Variants in MOV10L1 observed in about 807,000 individuals in gnomAD.
MOV10L1 encodes Mov10 like RNA helicase 1.
A neutral mutation model predicts 143.8 loss-of-function variants in MOV10L1; 110 were observed. That is an observed-to-expected ratio of 0.76 (90% CI 0.66 to 0.90). The LOEUF (loss-of-function observed/expected upper bound fraction) is 0.90. Ranked by LOEUF, MOV10L1 falls within the 40% of genes least tolerant of loss-of-function variation. The pLI is 0.00. For missense variants in MOV10L1, 1,406 were observed against 1,526.8 expected (o/e 0.92, Z 1.32); for synonymous variants, 593 against 581.1 (o/e 1.02, Z -0.29).
chr22:50,158,166 C>G lies in MOV10L1; in HGVS notation c.3176C>G (p.Ser1059Cys), dbSNP rs1207223411. 6.2e-7 allele frequency: 1 copy of G among 1,614,196 alleles called. No individual in the cohort carries two copies. The highest frequency in any genetic ancestry group is 1.1e-5 in the South Asian group (1 of 91,090). The change falls in exon 23 of 27, where the codon TCT becomes TGT. Residue 1059 changes from serine to cysteine, a missense_variant. Physicochemically the swap from Ser to Cys is moderately radical, Grantham distance 112. Around this residue, in one of 3 missense-constraint regions of MOV10L1, gnomAD observed 1,233 missense variants for 1,351.4 expected, o/e 0.91. Coordinates refer to ENST00000262794, the MANE Select transcript of MOV10L1 (RefSeq NM_018995.3). The surrounding 1 kb of genome is among the most constrained non-coding windows in gnomAD (Gnocchi z 5.0). ...GCCCACAGCATCTCCAGTCAGGTGT[C>G]TGCCAGCGACATTGGCGTCATCACG... ...LLAHSISSQV[S>C]ASDIGVITPY...
chr22:50,109,405 C>T (rs536426318), intron 5 of MOV10L1, among the ~76,000 whole-genome samples: 1 of 151,904 alleles, frequency 6.6e-6, no homozygotes, highest in Non-Finnish European at 1.5e-5. Context: ...CACGGTGGCT[C>T]ACGCCTGTAA....
intron 5 of MOV10L1, among the ~76,000 whole-genome samples, chr22:50,112,907 A>G (rs372716442): frequency 3.9e-5 from 6 of 152,204 alleles, no homozygotes; most frequent in Non-Finnish European, 8.8e-5. Context: ...ACCAGGGCAC[A>G]CAGAGAAGGA....
chr22:50,124,924 G>A (rs141687410), intron 10 of MOV10L1, among the ~76,000 whole-genome samples: 1,737 of 152,298 alleles, frequency 0.011, 35 homozygotes, highest in African/African-American at 0.04. Flanking sequence ...CCTTTGCTAC[G>A]TGATGTTCAT....
chr22:50,114,386 A>G lies in MOV10L1; in HGVS notation c.890A>G (p.Lys297Arg). ...SKTMVIWIEN[K>R]GDIPQNLVSC... Reference sequence around the variant, plus strand: ...AGTTAATTGTATTTTTCCAGGAATAAAGGAGACATTCCTCAAAACTTAGTC... The same window carrying G: ...AGTTAATTGTATTTTTCCAGGAATAGAGGAGACATTCCTCAAAACTTAGTC... The change falls in exon 7 of 27, where the codon AAA (lysine) becomes AGA (arginine). Residue 297 changes from lysine to arginine, a missense_variant. Physicochemically the swap from Lys to Arg is conservative, Grantham distance 26. Around this residue, in one of 3 missense-constraint regions of MOV10L1, gnomAD observed 1,233 missense variants for 1,351.4 expected, o/e 0.91. Coordinates refer to ENST00000262794, the MANE Select transcript of MOV10L1 (RefSeq NM_018995.3). 6.2e-7 allele frequency: 1 copy of G among 1,613,750 alleles called. No individual in the cohort carries two copies. The highest frequency in any genetic ancestry group is 8.5e-7 in the Non-Finnish European group (1 of 1,179,776).
At chr22:50,090,256 A>G (rs905254409) in intron 1 of MOV10L1, 71 bp downstream of exon 1, 10 of 1,418,628 alleles carry the variant, frequency 7.0e-6, no homozygotes, top group South Asian at 6.2e-5. Context: ...AGCCGCGCCC[A>G]TAGGTCTTTG....
At chr22:50,113,853 A>ATT in intron 6 of MOV10L1, 65 bp downstream of exon 6, 1 of 1,353,682 alleles carries the variant, frequency 7.4e-7, no homozygotes, top group Admixed American at 2.8e-5. Context: ...ATGACTCAAT[A>ATT]ATTTCTGTAA....
intron 19 of MOV10L1, 149 bp from the exon 20 acceptor site, chr22:50,149,466 G>A (rs576309729): frequency 2.7e-5 from 18 of 656,238 alleles, no homozygotes; most frequent in African/African-American, 9.1e-5. Context: ...CCCTCCAGCC[G>A]GGTGACACCC....
At chr22:50,143,321 T>G (rs751209484) in intron 17 of MOV10L1, 100 bp downstream of exon 17, 1 of 1,326,422 alleles carries the variant, frequency 7.5e-7, no homozygotes, top group Non-Finnish European at 1.1e-6. Context: ...AATCAGACAG[T>G]TGGAAAGAGC....
At chr22:50,110,761 T>C (rs1029170960) in intron 5 of MOV10L1, among the ~76,000 whole-genome samples, 1 of 151,768 alleles carries the variant, frequency 6.6e-6, no homozygotes, top group Non-Finnish European at 1.5e-5. Context: ...TGAAACCCCA[T>C]CTCTACTAAA....
intron 5 of MOV10L1, among the ~76,000 whole-genome samples, chr22:50,109,156 G>A (rs1457147234): frequency 3.3e-5 from 5 of 151,766 alleles, no homozygotes; most frequent in South Asian, 2.1e-4. Flanking sequence ...AAAAGAAAAC[G>A]CTTTTCTTCT....
intron 12 of MOV10L1, among the ~76,000 whole-genome samples, chr22:50,127,133 TGAG>T (rs2062530252): frequency 6.6e-6 from 1 of 152,104 alleles, no homozygotes; most frequent in African/African-American, 2.4e-5. Flanking sequence ...CAAGTTGACA[TGAG>T]GAGCCCAAGA....
intron 2 of MOV10L1, among the ~76,000 whole-genome samples, chr22:50,098,224 A>G (rs2062642130): frequency 6.6e-6 from 1 of 151,350 alleles, no homozygotes; most frequent in Non-Finnish European, 1.5e-5. Context: ...TTAAGTATTA[A>G]GATTAACATC....
At chr22:50,109,299 A>G (rs1160323616) in intron 5 of MOV10L1, among the ~76,000 whole-genome samples, 1 of 152,110 alleles carries the variant, frequency 6.6e-6, no homozygotes, top group Non-Finnish European at 1.5e-5. Context: ...CCGTGGCAGG[A>G]GAATTGCCTG....
intron 13 of MOV10L1, among the ~76,000 whole-genome samples, chr22:50,130,577 A>T (rs1569305994): frequency 6.6e-6 from 1 of 151,824 alleles, no homozygotes; most frequent in African/African-American, 2.4e-5. Flanking sequence ...GAGGACCAGG[A>T]GGGGGGTACT....
chr22:50,143,345 G>C, intron 17 of MOV10L1, 124 bp downstream of exon 17: 1 of 1,085,226 alleles, frequency 9.2e-7, no homozygotes, highest in Non-Finnish European at 1.4e-6. Context: ...AGAAATACCA[G>C]TTATTTCATA....
Position 50,157,981 on chromosome 22 carries a change from G to A in MOV10L1, c.3067-76G>A, listed in dbSNP as rs1057046819. ...ATATTCAGTGTGTATTCCCAGCACCGACTTCAGCTCCTGGATTGTAGCCTT... is the reference window on the plus strand; with the variant it reads ...ATATTCAGTGTGTATTCCCAGCACCAACTTCAGCTCCTGGATTGTAGCCTT... On this transcript the variant is annotated intron_variant, in intron 22 of 26. Transcript: ENST00000262794. The A allele has an allele frequency of 1.5e-5, 23 of 1,522,716 alleles. 1 individual carries two copies. Among genetic ancestry groups the A allele is most frequent in the African/African-American group, 4.1e-5 (3 of 72,754 alleles). 94.3% of individuals were successfully genotyped at this position (1,522,716 alleles called of 1,614,324 possible). A position where few individuals can be genotyped will look rare whatever the true frequency, so the allele number is the denominator to read the frequency against.
At chr22:50,148,146 G>A (rs1251402971) in intron 19 of MOV10L1, among the ~76,000 whole-genome samples, 3 of 152,200 alleles carry the variant, frequency 2.0e-5, no homozygotes, top group Non-Finnish European at 2.9e-5. Flanking sequence ...AGGACGGTGC[G>A]GGCCCAAGGT....
chr22:50,134,168 A>G, intron 14 of MOV10L1, 103 bp downstream of exon 14: 1 of 887,332 alleles, frequency 1.1e-6, no homozygotes, highest in Non-Finnish European at 1.7e-6. Flanking sequence ...TAATATTAGA[A>G]GTAAAACTTT....
chr22:50,156,058 T>G (rs575658386), intron 22 of MOV10L1, among the ~76,000 whole-genome samples: 61 of 152,186 alleles, frequency 4.0e-4, no homozygotes, highest in African/African-American at 1.3e-3. Flanking sequence ...TCTCATTCAT[T>G]CATTCATTCA....
Sources: allele counts gnomAD v4.1 joint callset (sites outside exome capture counted in the v4.1 genomes callset), GRCh38; gene constraint gnomAD v4.1.1; regional missense constraint gnomAD v4.1.1; non-coding constraint Gnocchi (gnomAD v3.1); transcripts MANE v1.5; gene names NCBI Gene and HGNC (gene_info 2026-07-23, HGNC 2026-07-21).